WDR41: variants seen among roughly 807,000 people sequenced by gnomAD.
WDR41 encodes WD repeat-containing protein 41.
In WDR41, 63 loss-of-function variants were observed where a neutral mutation model predicts 69.3. That is an observed-to-expected ratio of 0.91 (90% CI 0.74 to 1.12). WDR41 has a LOEUF of 1.12. Among genes scored for constraint, WDR41 ranks in the 50% most tolerant of loss-of-function variants. The pLI is 0.00. For synonymous variants in WDR41, 185 were observed against 192.1 expected (o/e 0.96, Z 0.31); for missense variants, 543 against 534.5 (o/e 1.02, Z -0.16).
chr5:77,443,362 C>G (rs77722592), intron 8 of WDR41, among the ~76,000 whole-genome samples: 1 of 152,074 alleles, frequency 6.6e-6, no homozygotes, highest in Non-Finnish European at 1.5e-5. Flanking sequence ...TAAACCAGCA[C>G]GACAGAAATC....
chr5:77,600,190 A>G (rs1744297602), intron 1 of WDR41, among the ~76,000 whole-genome samples: 1 of 152,204 alleles, frequency 6.6e-6, no homozygotes, highest in African/African-American at 2.4e-5. Context: ...CTCAAGTCTT[A>G]CCAATATAAT....
upstream of WDR41, among the ~76,000 whole-genome samples, chr5:77,494,510 G>A (rs1801911347): frequency 6.6e-6 from 1 of 152,094 alleles, no homozygotes; most frequent in South Asian, 2.1e-4. Flanking sequence ...GAACTGGAGT[G>A]GCTGTACTAA....
chr5:77,475,631 TAACA>T (rs1461226391), intron 2 of WDR41, among the ~76,000 whole-genome samples: 1 of 151,906 alleles, frequency 6.6e-6, no homozygotes, highest in Non-Finnish European at 1.5e-5. Context: ...GAAGGAAAAC[TAACA>T]AACACAAAGG....
intron 1 of WDR41, among the ~76,000 whole-genome samples, chr5:77,570,260 G>T (rs1743712252): frequency 1.3e-5 from 2 of 151,360 alleles, no homozygotes; most frequent in Admixed American, 1.3e-4. Context: ...TTTCTTTAGG[G>T]GTGACTATTA....
chr5:77,512,053 A>G (rs1315305516), intron 1 of WDR41, among the ~76,000 whole-genome samples: 1 of 152,182 alleles, frequency 6.6e-6, no homozygotes, highest in Non-Finnish European at 1.5e-5. Flanking sequence ...GATACAGAAC[A>G]ACAATATTAT....
intron 1 of WDR41, among the ~76,000 whole-genome samples, chr5:77,565,545 A>C (rs997602995): frequency 6.6e-6 from 1 of 152,144 alleles, no homozygotes; most frequent in Non-Finnish European, 1.5e-5. Context: ...AGAAAGGACT[A>C]TTTAGATTTG....
rs547054514 is a variant in WDR41 at position 77,487,911 on chromosome 5, T to C, written c.167+1546A>G. Among the ~76,000 whole-genome samples, 14 of 152,344 alleles carry C rather than the reference T, an allele frequency of 9.2e-5. No individual in the cohort carries two copies. The East Asian group carries it at 9.6e-4, about 10-fold the overall frequency. On this transcript the variant is annotated intron_variant, in intron 2 of 12. Coordinates refer to ENST00000296679, the MANE Select transcript of WDR41 (RefSeq NM_018268.4). The stretch of plus-strand genomic sequence containing the variant: ...CCCAAAGCTCAAGTGTGCTCATTCA[T>C]TGGTGATACACACTGATGTTCCAAG...
chr5:77,582,464 T>C lies in WDR41; in HGVS notation c.42+38015A>G, dbSNP rs1743956726. ...CGAAGGAATTTCGTAGAGCTGAAGA[T>C]CAAGCGCCTGAGAAAGAAGTTTGCC... On this transcript the variant is annotated intron_variant, in intron 1 of 5. Transcript: ENST00000509971. The C allele has an allele frequency of 1.5e-5, 24 of 1,602,798 alleles. No homozygotes were observed. In the South Asian group the frequency reaches 2.6e-4, roughly 18 times the overall value.
chr5:77,513,868 G>C (rs1388599395), intron 1 of WDR41, among the ~76,000 whole-genome samples: 1 of 152,056 alleles, frequency 6.6e-6, no homozygotes, highest in Non-Finnish European at 1.5e-5. Flanking sequence ...TTTTCAACTT[G>C]GAGTAGACAA....
At chr5:77,453,100 T>C (rs1799689400) in intron 6 of WDR41, among the ~76,000 whole-genome samples, 1 of 152,206 alleles carries the variant, frequency 6.6e-6, no homozygotes, top group Non-Finnish European at 1.5e-5. Context: ...TACTTTAAAA[T>C]ATCTACGTGG....
At chr5:77,440,780 G>C (rs562763053) in intron 9 of WDR41, 33 bp downstream of exon 9, 1 of 1,602,360 alleles carries the variant, frequency 6.2e-7, no homozygotes, top group East Asian at 2.2e-5. Context: ...ATATGTCAAA[G>C]GCAAGTTTAT....
chr5:77,512,359 T>TGA (rs1802219410), intron 1 of WDR41, among the ~76,000 whole-genome samples: 1 of 93,506 alleles, frequency 1.1e-5, no homozygotes, highest in African/African-American at 3.9e-5. Context: ...AGAGTGAGTG[T>TGA]GTGTGTGTGT....
At chr5:77,581,089 T>C (rs1018636019) in intron 1 of WDR41, among the ~76,000 whole-genome samples, 1 of 152,022 alleles carries the variant, frequency 6.6e-6, no homozygotes, top group African/African-American at 2.4e-5. Context: ...TCAGACTGGA[T>C]AAAAAATATG....
At chr5:77,556,767 T>C (rs1388476726) in intron 1 of WDR41, among the ~76,000 whole-genome samples, 1 of 152,118 alleles carries the variant, frequency 6.6e-6, no homozygotes, top group Non-Finnish European at 1.5e-5. Flanking sequence ...ATTTTAAAAG[T>C]TTATTACACA....
chr5:77,447,847 C>T (rs570334716), intron 8 of WDR41, among the ~76,000 whole-genome samples: 1 of 152,136 alleles, frequency 6.6e-6, no homozygotes, highest in Non-Finnish European at 1.5e-5. Context: ...TGTAACAAAC[C>T]TGCACATTCT....
At chr5:77,555,776 G>T (rs1743378710) in intron 1 of WDR41, among the ~76,000 whole-genome samples, 1 of 152,142 alleles carries the variant, frequency 6.6e-6, no homozygotes, top group African/African-American at 2.4e-5. Flanking sequence ...TATCCTCATG[G>T]ATTGGAAGAC....
At chr5:77,490,504 C>T (rs955047502) in intron 1 of WDR41, among the ~76,000 whole-genome samples, 10 of 151,794 alleles carry the variant, frequency 6.6e-5, no homozygotes, top group Non-Finnish European at 1.3e-4. Flanking sequence ...TCATAGGTTC[C>T]GATAATGTAC....
At chr5:77,582,096 G>C (rs923105652) in intron 1 of WDR41, among the ~76,000 whole-genome samples, 1 of 152,138 alleles carries the variant, frequency 6.6e-6, no homozygotes, top group African/African-American at 2.4e-5. Context: ...CCTTTAGCTA[G>C]ATTAATGGAG....
At position 77,487,255 on chromosome 5, in the gene WDR41, A is replaced by G. The variant is rs191297526; in HGVS notation, c.167+2202T>C. Among the ~76,000 whole-genome samples, 275 of 152,352 alleles carry G rather than the reference A, an allele frequency of 1.8e-3. 3 individuals carry two copies. The highest frequency in any genetic ancestry group is 5.2e-3 in the African/African-American group (216 of 41,586). The stretch of plus-strand genomic sequence containing the variant: ...CCTTAACACCCAAGTATTAGTGATT[A>G]TAAGAAATTATCAGATTTTCTTTAA... On this transcript the variant is annotated intron_variant, in intron 2 of 12. Transcript: ENST00000296679.
Sources: allele counts gnomAD v4.1 joint callset (sites outside exome capture counted in the v4.1 genomes callset), GRCh38; gene constraint gnomAD v4.1.1; transcripts MANE v1.5; gene names NCBI Gene and HGNC (gene_info 2026-07-23, HGNC 2026-07-21).